ZNF526: variants seen among roughly 807,000 people sequenced by gnomAD.
The protein encoded by ZNF526 is zinc finger protein 526.
Under a neutral mutation model 32.4 loss-of-function variants are expected in ZNF526, and 16 were observed. That is an observed-to-expected ratio of 0.49 (90% CI 0.33 to 0.75). ZNF526 has a LOEUF of 0.75. Ranked by LOEUF, ZNF526 falls within the 30% of genes least tolerant of loss-of-function variation. The probability of loss-of-function intolerance (pLI) is 0.02; values close to 1 mark genes in which losing one functional copy is unlikely to be tolerated. For missense variants in ZNF526, 838 were observed against 920.7 expected, an observed-to-expected ratio of 0.91 and a Z score of 1.16; for synonymous variants, 355 against 363.4, an observed-to-expected ratio of 0.98 and a Z score of 0.26.
In ZNF526 at chr19:42,224,797, C is replaced by T. The variant is rs144462870; in HGVS notation, c.394C>T (p.Arg132Ter). 3 of 1,613,838 alleles carry T rather than the reference C, an allele frequency of 1.9e-6. No individual in the cohort carries two copies. Among genetic ancestry groups the T allele is most frequent in the South Asian group, 1.1e-5 (1 of 91,084 alleles). The part of the protein sequence containing the change: ...ELLAHQDAHL[R>*]ESANQIQYQC... ...CCTGGCCCACCAGGATGCCCACCTC[C>T]GAGAGTCTGCAAACCAGATCCAATA... Residue 132 changes from arginine to a stop codon, truncating the protein, a stop_gained, in exon 3 of 3, where the codon CGA becomes TGA. Transcript: ENST00000301215. LOFTEE classifies it high-confidence loss of function.
At position 42,225,878 on chromosome 19, in the gene ZNF526, G is replaced by A. The variant is rs556497819; in HGVS notation, c.1475G>A (p.Arg492Gln). ...KKLIHVRNHL[R>Q]THTGERPFQC... ...CTGATCCACGTGCGCAACCACCTGC[G>A]GACACACACGGGTGAGAGGCCCTTC... Residue 492 changes from arginine to glutamine, a missense_variant, in exon 3 of 3, where the codon CGG becomes CAG. Coordinates refer to ENST00000301215, the MANE Select transcript of ZNF526 (RefSeq NM_133444.3). 4.2e-5 allele frequency: 68 copies of A among 1,614,170 alleles called. No individual in the cohort carries two copies. The South Asian group carries it at 6.4e-4, about 15-fold the overall frequency.
rs558195236 is a variant in ZNF526 at position 42,227,586 on chromosome 19, G to A, written c.*1170G>A. 32 of 156,944 alleles carry A rather than the reference G, an allele frequency of 2.0e-4. No individual in the cohort carries two copies. Among genetic ancestry groups the A allele is most frequent in the Non-Finnish European group, 1.6e-4 (11 of 68,062 alleles). The allele number at this position is 156,944 out of a possible 1,614,324, so 9.7% of individuals were successfully genotyped here. ...ATCCTGGCTAACACGGTGAAACCCC[G>A]TCTCTACTAAAAATACAAAAAATTA... On this transcript the variant is annotated 3_prime_UTR_variant, in exon 3 of 3. Coordinates refer to ENST00000301215, the MANE Select transcript of ZNF526 (RefSeq NM_133444.3).
rs776450581 is a variant in ZNF526 at position 42,225,967 on chromosome 19, C to T, written c.1564C>T (p.His522Tyr). 1.2e-6 allele frequency: 2 copies of T among 1,614,060 alleles called. No individual in the cohort carries two copies. Among genetic ancestry groups the T allele is most frequent in the East Asian group, 2.2e-5 (1 of 44,888 alleles). Reference sequence around the variant, plus strand: ...CAACCTCAGCCGCCACCAGCTGACCCATACGGGTGCACGTCCCTACCAATG... The same window carrying T: ...CAACCTCAGCCGCCACCAGCTGACCTATACGGGTGCACGTCCCTACCAATG... ...LANLSRHQLT[H>Y]TGARPYQCLD... Residue 522 changes from histidine to tyrosine, a missense_variant, in exon 3 of 3, where the codon CAT becomes TAT. Transcript: ENST00000301215.
rs186828803 is a variant in ZNF526 at position 42,221,526 on chromosome 19, A to G, written c.-109+1139A>G. ...TGAATGCCTGTAGTTCCAGCTACTC[A>G]GGTGACCGAGGCGGGAGAATCGCTT... On this transcript the variant is annotated intron_variant, in intron 1 of 2. Transcript: ENST00000301215. Among the ~76,000 whole-genome samples the G allele has an allele frequency of 3.3e-3, 509 of 152,222 alleles. 5 individuals are homozygous for G. Among genetic ancestry groups the G allele is most frequent in the African/African-American group, 0.012 (493 of 41,540 alleles).
chr19:42,220,587 C>G (rs988373144), intron 1 of ZNF526, 200 bp downstream of exon 1: 6 of 152,206 alleles, frequency 3.9e-5, no homozygotes, highest in African/African-American at 1.2e-4. Flanking sequence ...CTGGAACTCG[C>G]CCACCACCCA....
rs1047502686 is a variant in ZNF526 at position 42,227,395 on chromosome 19, C to G, written c.*979C>G. 5 of 167,146 alleles carry G rather than the reference C, an allele frequency of 3.0e-5. No individual in the cohort carries two copies. Among genetic ancestry groups the G allele is most frequent in the East Asian group, 1.9e-4 (1 of 5,204 alleles). The allele number at this position is 167,146 out of a possible 1,614,324, so 10.4% of individuals were successfully genotyped here. A position where few individuals can be genotyped will look rare whatever the true frequency, so the allele number is the denominator to read the frequency against. On this transcript the variant is annotated 3_prime_UTR_variant, in exon 3 of 3. Transcript: ENST00000301215. ...CTACCTGAGGCAAGCACCACACTTA[C>G]CACTGTATGTGTACTATGATCCCAA...
intron 2 of ZNF526, 30 bp downstream of exon 2, chr19:42,224,335 A>G (rs2036151023): frequency 7.2e-7 from 1 of 1,381,148 alleles, no homozygotes; most frequent in Non-Finnish European, 1.0e-6. Context: ...AGAGAATTCC[A>G]CCTCCCCTTG....
At position 42,225,793 on chromosome 19, in the gene ZNF526, G is replaced by C. The variant is rs754003921; in HGVS notation, c.1390G>C (p.Val464Leu). 3.7e-6 allele frequency: 6 copies of C among 1,613,560 alleles called. No individual in the cohort carries two copies. The highest frequency in any genetic ancestry group is 1.1e-5 in the South Asian group (1 of 91,068). Reference protein sequence around the residue: ...ASRLSRHRRAVHGPPERRHRC... With the variant: ...ASRLSRHRRALHGPPERRHRC... ...CCGGCTGTCCCGGCACCGGCGTGCA[G>C]TACACGGGCCCCCTGAACGGCGTCA... The change falls in exon 3 of 3, where the codon GTA becomes CTA. Residue 464 changes from valine (V) to leucine (L), a missense_variant. Transcript: ENST00000301215.
At position 42,224,383 on chromosome 19, in the gene ZNF526, C is replaced by G; in HGVS notation, c.-17-4C>G. ...CTCACTGGCTCCTGCCCCTCTTTCT[C>G]CAGGCACTGCCTTCCCCACAATGGC... On this transcript the variant is annotated splice_region_variant and splice_polypyrimidine_tract_variant and intron_variant, in intron 2 of 2. Transcript: ENST00000301215. 6.2e-7 allele frequency: 1 copy of G among 1,612,794 alleles called. No individual in the cohort carries two copies. Among genetic ancestry groups the G allele is most frequent in the Admixed American group, 1.7e-5 (1 of 60,014 alleles).
Position 42,226,856 on chromosome 19 carries a change from G to T in ZNF526, c.*440G>T. ...GGCACCCAGGACTTTGCTCTGCCTGGTGGAGGGTACTTGATTTCTCTGGGC... is the reference window on the plus strand; with the variant it reads ...GGCACCCAGGACTTTGCTCTGCCTGTTGGAGGGTACTTGATTTCTCTGGGC... On this transcript the variant is annotated 3_prime_UTR_variant, in exon 3 of 3. Transcript: ENST00000301215. The T allele has an allele frequency of 3.5e-6, 1 of 284,118 alleles. No individual in the cohort carries two copies. The highest frequency in any genetic ancestry group is 4.0e-5 in the South Asian group (1 of 24,774). 17.6% of individuals were successfully genotyped at this position (284,118 alleles called of 1,614,324 possible). A position where few individuals can be genotyped will look rare whatever the true frequency, so the allele number is the denominator to read the frequency against.
At position 42,224,686 on chromosome 19, in the gene ZNF526, G is replaced by T. The variant is rs1195092375; in HGVS notation, c.283G>T (p.Gly95Cys). The T allele has an allele frequency of 6.2e-7, 1 of 1,614,176 alleles. No homozygotes were observed. Among genetic ancestry groups the T allele is most frequent in the East Asian group, 2.2e-5 (1 of 44,884 alleles). Residue 95 changes from glycine to cysteine, a missense_variant, in exon 3 of 3, where the codon GGC becomes TGC. Transcript: ENST00000301215. ...GGAGGCACTGACCACACAGAATGTT[G>T]GCCTGGAGCCGGAGCTGGTGCCGGG... ...EEEALTTQNV[G>C]LEPELVPGAE...
chr19:42,226,744 G>A lies in ZNF526; in HGVS notation c.*328G>A, dbSNP rs1450245315. The A allele has an allele frequency of 2.0e-5, 9 of 455,408 alleles. No individual in the cohort carries two copies. The highest frequency in any genetic ancestry group is 3.8e-5 in the Non-Finnish European group (9 of 235,716). The allele number at this position is 455,408 out of a possible 1,614,324, so 28.2% of individuals were successfully genotyped here. On this transcript the variant is annotated 3_prime_UTR_variant, in exon 3 of 3. Transcript: ENST00000301215. ...TCAGGTAACCTTCACTGAGCACCAA[G>A]CTTATGCCAGGTCTGTGCTGGCCAC...
chr19:42,225,517 G>A lies in ZNF526; in HGVS notation c.1114G>A (p.Glu372Lys). The A allele has an allele frequency of 6.2e-7, 1 of 1,613,202 alleles. No individual in the cohort carries two copies. Among genetic ancestry groups the A allele is most frequent in the Non-Finnish European group, 8.5e-7 (1 of 1,179,224 alleles). Residue 372 changes from glutamate to lysine, a missense_variant, in exon 3 of 3, where the codon GAA becomes AAA. Transcript: ENST00000301215. ...CVDCGRGFGT[E>K]LTLVAHRRAH... ...AGACTGTGGCCGCGGCTTTGGCACA[G>A]AACTCACGTTGGTGGCTCACCGGCG...
intron 1 of ZNF526, among the ~76,000 whole-genome samples, chr19:42,223,232 G>A (rs1439066336): frequency 6.6e-6 from 1 of 152,222 alleles, no homozygotes; most frequent in Non-Finnish European, 1.5e-5. Flanking sequence ...GGCTGGGCCG[G>A]GTGTGGTGGC....
rs2036193019 is a variant in ZNF526 at position 42,227,658 on chromosome 19, C to T, written c.*1242C>T. The T allele has an allele frequency of 6.6e-6, 1 of 152,244 alleles. No homozygotes were observed. The highest frequency in any genetic ancestry group is 2.1e-4 in the South Asian group (1 of 4,828). 9.4% of individuals were successfully genotyped at this position (152,244 alleles called of 1,614,324 possible). Reference sequence around the variant, plus strand: ...CTGTGGTGGCCAGCTACTCAGGAGGCTGAGGCAGGAGAATGGCGTGAACCC... The same window carrying T: ...CTGTGGTGGCCAGCTACTCAGGAGGTTGAGGCAGGAGAATGGCGTGAACCC... On this transcript the variant is annotated 3_prime_UTR_variant, in exon 3 of 3. Coordinates refer to ENST00000301215, the MANE Select transcript of ZNF526 (RefSeq NM_133444.3).
chr19:42,222,026 G>A lies in ZNF526; in HGVS notation c.-109+1639G>A, dbSNP rs188991874. 3.5e-3 allele frequency among the ~76,000 whole-genome samples: 534 copies of A among 151,904 alleles called. 4 individuals carry two copies. The highest frequency in any genetic ancestry group is 0.012 in the African/African-American group (489 of 41,442). ...CTAGACATTGTTCTTGGCACTGGACGTGCTTCAGTGATGTGCAGGCTAAAC... is the reference window on the plus strand; with the variant it reads ...CTAGACATTGTTCTTGGCACTGGACATGCTTCAGTGATGTGCAGGCTAAAC... On this transcript the variant is annotated intron_variant, in intron 1 of 2. Coordinates refer to ENST00000301215, the MANE Select transcript of ZNF526 (RefSeq NM_133444.3).
In ZNF526 at chr19:42,224,422, GA is replaced by G; in HGVS notation, c.20del (p.Glu7GlyfsTer24). 1 of 1,614,170 alleles carries G rather than the reference GA, an allele frequency of 6.2e-7. No homozygotes were observed. Among genetic ancestry groups the G allele is most frequent in the Non-Finnish European group, 8.5e-7 (1 of 1,180,036 alleles). On this transcript the variant is annotated frameshift_variant, in exon 3 of 3. Transcript: ENST00000301215. LOFTEE classifies it low-confidence loss of function (END_TRUNC). ...CCCCACAATGGCAGAGGTGGTGGCT[GA>G]GGTGGCCGAGATGCCAACACAGATG... Reference protein sequence around the residue: MAEVVAEVAEMPTQMSP... With the variant: MAEVVAXVAEMPTQMSP...
At chr19:42,221,168 G>A (rs1317669156) in intron 1 of ZNF526, among the ~76,000 whole-genome samples, 1 of 152,204 alleles carries the variant, frequency 6.6e-6, no homozygotes, top group Non-Finnish European at 1.5e-5. Context: ...GGGGAAGTTG[G>A]TCTGGTAGAA....
rs1415957182 is a variant in ZNF526, at chr19:42,223,987, A to ATATATATATATATATATATG, written c.-108-212_-108-211insTATGTATATATATATATATA. ...TGTCTCTACTAAAATATATATATAT[A>ATATATATATATATATATATG]TATATATATATATATACAAAAATTA... is the stretch of plus-strand genomic sequence containing the variant. On this transcript the variant is annotated intron_variant, in intron 1 of 2. Coordinates refer to ENST00000301215, the MANE Select transcript of ZNF526 (RefSeq NM_133444.3). Among the ~76,000 whole-genome samples, 10 of 137,956 alleles carry ATATATATATATATATATATG rather than the reference A, an allele frequency of 7.2e-5. No individual in the cohort carries two copies. The East Asian group carries it at 1.9e-3, about 26-fold the overall frequency. 90.5% of individuals were successfully genotyped at this position (137,956 alleles called of 152,430 possible). A position where few individuals can be genotyped will look rare whatever the true frequency, so the allele number is the denominator to read the frequency against.
Sources: gnomAD v4.1 joint callset for allele counts (sites outside exome capture counted in the v4.1 genomes callset) on GRCh38, gnomAD v4.1.1 for gene constraint, MANE v1.5 for transcripts, NCBI Gene and HGNC (gene_info 2026-07-23, HGNC 2026-07-21) for gene names.